EXT1: variants seen among roughly 807,000 people sequenced by gnomAD.
The protein encoded by EXT1 is exostosin glycosyltransferase 1.
In EXT1, 20 loss-of-function variants were observed where a neutral mutation model predicts 82.5. That is an observed-to-expected ratio of 0.24 (90% CI 0.17 to 0.35). The LOEUF (loss-of-function observed/expected upper bound fraction) is 0.35, where lower values mean the gene tolerates loss of function less well. Among genes scored for constraint, EXT1 ranks in the 10% least tolerant of loss-of-function variants. The probability of loss-of-function intolerance (pLI) is 1.00; values close to 1 mark genes in which losing one functional copy is unlikely to be tolerated. For synonymous variants in EXT1, 348 were observed against 350.8 expected (o/e 0.99, Z 0.09); for missense variants, 757 against 936.5 (o/e 0.81, Z 2.50).
rs201504622 is a variant in EXT1, at chr8:117,822,522, C to T, written c.1360G>A (p.Val454Ile). 4.0e-5 allele frequency: 65 copies of T among 1,613,266 alleles called. No homozygotes were observed. In the Middle Eastern group the frequency reaches 6.6e-4, roughly 16 times the overall value. ...AGATAAGATGAATACTGTGGTAGTA[C>T]GAACAATCCTCCAGGATGTTTGTTC... ...IWNKHPGGLF[V>I]LPQYSSYLGD... Residue 454 changes from valine to isoleucine, a missense_variant, in exon 5 of 11, where the codon GTA becomes ATA. By Grantham distance (29) the Val-to-Ile change is conservative. Transcript: ENST00000378204.
intron 1 of EXT1, among the ~76,000 whole-genome samples, chr8:118,068,627 C>T (rs763864719): frequency 5.3e-4 from 81 of 152,060 alleles, no homozygotes; most frequent in Non-Finnish European, 1.6e-4. Flanking sequence ...TAATGCAATA[C>T]ATTCAAGATA....
chr8:118,021,574 T>G (rs757468452), intron 1 of EXT1, among the ~76,000 whole-genome samples: 8 of 152,112 alleles, frequency 5.3e-5, no homozygotes, highest in African/African-American at 1.9e-4. Flanking sequence ...TGGGTCAGAG[T>G]AGAAGTCCAG....
chr8:117,858,828 G>GGAAGGAAA (rs1366742173), intron 1 of EXT1, among the ~76,000 whole-genome samples: 15 of 36,748 alleles, frequency 4.1e-4, no homozygotes, highest in Non-Finnish European at 6.6e-5. Flanking sequence ...AAGGAAGGAA[G>GGAAGGAAA]GAAGGAAGGA....
At chr8:117,948,063 G>C (rs1176149610) in intron 1 of EXT1, among the ~76,000 whole-genome samples, 1 of 152,092 alleles carries the variant, frequency 6.6e-6, no homozygotes, top group Non-Finnish European at 1.5e-5. Context: ...CTGAGATCTT[G>C]GGGAGGTGTA....
chr8:117,883,287 T>C (rs1813093138), intron 1 of EXT1, among the ~76,000 whole-genome samples: 3 of 152,226 alleles, frequency 2.0e-5, no homozygotes, highest in Admixed American at 2.0e-4. Context: ...ACCCAGCCTT[T>C]GAGGAGGAAA....
At chr8:117,849,859 T>C (rs1242119408) in intron 1 of EXT1, among the ~76,000 whole-genome samples, 3 of 152,248 alleles carry the variant, frequency 2.0e-5, no homozygotes, top group Non-Finnish European at 4.4e-5. Context: ...TATGTTTCTT[T>C]TGCCTTTTCT....
intron 1 of EXT1, among the ~76,000 whole-genome samples, chr8:117,852,182 T>C (rs771700354): frequency 5.3e-5 from 8 of 152,198 alleles, no homozygotes; most frequent in Non-Finnish European, 8.8e-5. Flanking sequence ...AACTGAGGCA[T>C]TGTGACTTCA....
intron 1 of EXT1, among the ~76,000 whole-genome samples, chr8:117,871,591 C>T (rs1812870928): frequency 6.6e-6 from 1 of 152,218 alleles, no homozygotes; most frequent in Non-Finnish European, 1.5e-5. Context: ...TGAAATACCA[C>T]AAGTTACCCC....
At chr8:117,911,571 G>A (rs147602435) in intron 1 of EXT1, among the ~76,000 whole-genome samples, 3 of 152,306 alleles carry the variant, frequency 2.0e-5, no homozygotes, top group East Asian at 3.9e-4. Context: ...AGAGCTAAGG[G>A]CAAATGGGGA....
intron 1 of EXT1, among the ~76,000 whole-genome samples, chr8:117,923,813 G>A (rs952378763): frequency 6.6e-6 from 1 of 152,008 alleles, no homozygotes; most frequent in Non-Finnish European, 1.5e-5. Flanking sequence ...AACACTCTCT[G>A]AATCAGCACT....
chr8:117,905,438 A>G (rs5005135), intron 1 of EXT1, among the ~76,000 whole-genome samples: 46,449 of 152,030 alleles, frequency 0.31, 7,422 homozygotes, highest in East Asian at 0.37. Flanking sequence ...AAAACTTTGT[A>G]GAAGGGGGAG....
At chr8:117,938,216 C>G (rs1329734457) in intron 1 of EXT1, among the ~76,000 whole-genome samples, 1 of 152,146 alleles carries the variant, frequency 6.6e-6, no homozygotes, top group Non-Finnish European at 1.5e-5. Context: ...AACCCAAGCA[C>G]TTTGGGCGGC....
intron 1 of EXT1, among the ~76,000 whole-genome samples, chr8:117,842,853 C>A (rs1404264998): frequency 6.6e-6 from 1 of 152,208 alleles, no homozygotes; most frequent in Non-Finnish European, 1.5e-5. Flanking sequence ...CCCACAATCC[C>A]TCTGTAGCAC....
At position 117,919,633 on chromosome 8, in the gene EXT1, T is replaced by C. The variant is rs563525745; in HGVS notation, c.963-82432A>G. ...AATCATCCCGCCTCACCCTCCCAAGTAGCTAGGACCACAGGCACGTGCTAC... is the reference window on the plus strand; with the variant it reads ...AATCATCCCGCCTCACCCTCCCAAGCAGCTAGGACCACAGGCACGTGCTAC... On this transcript the variant is annotated intron_variant, in intron 1 of 10. Coordinates refer to ENST00000378204, the MANE Select transcript of EXT1 (RefSeq NM_000127.3). 1.1e-4 allele frequency among the ~76,000 whole-genome samples: 16 copies of C among 152,028 alleles called. No homozygotes were observed. In the South Asian group the frequency reaches 3.3e-3, roughly 32 times the overall value.
chr8:117,920,217 G>C (rs925361428), intron 1 of EXT1, among the ~76,000 whole-genome samples: 2 of 152,072 alleles, frequency 1.3e-5, no homozygotes, highest in African/African-American at 4.8e-5. Flanking sequence ...CGATTCTCTT[G>C]CCTCAGCCTC....
At chr8:117,858,985 C>T (rs1812635470) in intron 1 of EXT1, among the ~76,000 whole-genome samples, 1 of 152,190 alleles carries the variant, frequency 6.6e-6, no homozygotes, top group East Asian at 1.9e-4. Flanking sequence ...CAAGACCCTT[C>T]ACCAGCAAAA....
At position 118,110,342 on chromosome 8, in the gene EXT1, G is replaced by A. The variant is rs2130042122; in HGVS notation, c.705C>T (p.Pro235=). Residue 235 remains proline (P), a synonymous_variant, in exon 1 of 11, where the codon CCC becomes CCT. Coordinates refer to ENST00000378204, the MANE Select transcript of EXT1 (RefSeq NM_000127.3). ...NFRPNFDVSI[P]LFSKDHPRTG... is the part of the protein sequence containing the mutation. The stretch of plus-strand genomic sequence containing the variant: ...TCCTGGGATGATCCTTAGAAAAGAG[G>A]GGAATAGAAACATCAAAGTTGGGTC... 1 of 1,614,176 alleles carries A rather than the reference G, an allele frequency of 6.2e-7. No individual in the cohort carries two copies. The highest frequency in any genetic ancestry group is 8.5e-7 in the Non-Finnish European group (1 of 1,180,028).
intron 1 of EXT1, among the ~76,000 whole-genome samples, chr8:117,921,501 T>C (rs1257306773): frequency 6.6e-6 from 1 of 152,200 alleles, no homozygotes; most frequent in Non-Finnish European, 1.5e-5. Flanking sequence ...CATTCACTCA[T>C]TGGCAAAATG....
At chr8:117,902,010 T>C (rs1813459407) in intron 1 of EXT1, among the ~76,000 whole-genome samples, 1 of 151,916 alleles carries the variant, frequency 6.6e-6, no homozygotes, top group African/African-American at 2.4e-5. Flanking sequence ...TAAACTTTTT[T>C]CTATTTTTTT....
Sources: allele counts gnomAD v4.1 joint callset (sites outside exome capture counted in the v4.1 genomes callset), GRCh38; gene constraint gnomAD v4.1.1; transcripts MANE v1.5; gene names NCBI Gene and HGNC (gene_info 2026-07-23, HGNC 2026-07-21).